The following KATNBL1 variants were observed in gnomAD, a reference collection of about 807,000 sequenced individuals.
KATNBL1 encodes the protein KATNB1-like protein 1.
A neutral mutation model predicts 44.7 loss-of-function variants in KATNBL1; 28 were observed. The observed-to-expected ratio is 0.63, with a 90% confidence interval of 0.46 to 0.86. KATNBL1 has a LOEUF of 0.86. Among genes scored for constraint, KATNBL1 ranks in the 40% least tolerant of loss-of-function variants. KATNBL1 has a pLI of 0.00. For synonymous variants in KATNBL1, 78 were observed against 114.9 expected, an observed-to-expected ratio of 0.68 and a Z score of 2.06; for missense variants, 272 against 350.7, an observed-to-expected ratio of 0.78 and a Z score of 1.79.
intron 4 of KATNBL1, 144 bp from the exon 5 acceptor site, chr15:34,148,894 T>C (rs1401744705): frequency 3.6e-6 from 2 of 560,282 alleles, no homozygotes; most frequent in Non-Finnish European, 6.5e-6. Flanking sequence ...AATACTGCAG[T>C]TGACCACAGT....
Position 34,163,568 on chromosome 15 carries a change from T to C in KATNBL1, c.109A>G (p.Met37Val), listed in dbSNP as rs1409365466. The change falls in exon 2 of 10, where the codon ATG becomes GTG. Residue 37 changes from methionine (M) to valine (V), a missense_variant. Physicochemically the swap from Met to Val is conservative, Grantham distance 21. Around this residue, in one of 3 missense-constraint regions of KATNBL1, gnomAD observed 122 missense variants for 125.0 expected, o/e 0.98. Transcript: ENST00000256544. ...KKISNFTNKN[M>V]KEVKKSPKQL... is the part of the protein sequence containing the mutation. ...AGAAACCATAGACTTACCTCCTTCA[T>C]GTTCTTATTAGTGAAATTAGAGATC... 3 of 1,595,798 alleles carry C rather than the reference T, an allele frequency of 1.9e-6. No individual in the cohort carries two copies. Among genetic ancestry groups the C allele is most frequent in the African/African-American group, 2.7e-5 (2 of 73,606 alleles).
At position 34,142,381 on chromosome 15, in the gene KATNBL1, T is replaced by TAC; in HGVS notation, c.883-11_883-10insGT. The TAC allele has an allele frequency of 1.9e-6, 3 of 1,581,254 alleles. No individual in the cohort carries two copies. Among genetic ancestry groups the TAC allele is most frequent in the Non-Finnish European group, 2.6e-6 (3 of 1,162,710 alleles). On this transcript the variant is annotated splice_polypyrimidine_tract_variant and intron_variant, in intron 9 of 9. Transcript: ENST00000256544. ...AATAAGCATCTACATCCTTAGAAGA[T>TAC]AAAACAAAAACATTTCATTAGACAG...
At chr15:34,208,393 T>C (rs1377193870) in intron 1 of KATNBL1, 1 of 152,262 alleles carries the variant, frequency 6.6e-6, no homozygotes, top group East Asian at 1.9e-4. Context: ...TTAAAAGCTC[T>C]GCTATAGATA....
Position 34,185,487 on chromosome 15 carries a change from T to A in KATNBL1, c.-14-21797A>T, listed in dbSNP as rs1391842458. ...AGCAACTGCATTTCGTATATTTACGTATGCAATGTAAATTGTAAATCAATG... is the reference window on the plus strand; with the variant it reads ...AGCAACTGCATTTCGTATATTTACGAATGCAATGTAAATTGTAAATCAATG... On this transcript the variant is annotated intron_variant, in intron 1 of 9. Transcript: ENST00000256544. Among the ~76,000 whole-genome samples, 3 of 152,198 alleles carry A rather than the reference T, an allele frequency of 2.0e-5. No homozygotes were observed. In the East Asian group the frequency reaches 5.8e-4, roughly 29 times the overall value.
Position 34,189,123 on chromosome 15 carries a change from C to T in KATNBL1, c.-15+20828G>A, listed in dbSNP as rs374181029. On this transcript the variant is annotated intron_variant, in intron 1 of 9. Coordinates refer to ENST00000256544, the MANE Select transcript of KATNBL1 (RefSeq NM_024713.3). ...TCGGCTCACCACAACCTCTGCCTCC[C>T]GGGTTCAAGTGATTTTCCTGCCTCT... 5.3e-5 allele frequency among the ~76,000 whole-genome samples: 8 copies of T among 151,436 alleles called. No individual in the cohort carries two copies. In the East Asian group the frequency reaches 1.2e-3, roughly 22 times the overall value.
chr15:34,181,582 A>ACATATATATACACATATATATGTC lies in KATNBL1; in HGVS notation c.-14-17916_-14-17893dup, dbSNP rs67054758. ...TGTCCATATATATATCCATATATAT[A>ACATATATATACACATATATATGTC]CATATATATACACATATATATGTCC... On this transcript the variant is annotated intron_variant, in intron 1 of 9. Transcript: ENST00000256544. Among the ~76,000 whole-genome samples the ACATATATATACACATATATATGTC allele has an allele frequency of 6.0e-4, 36 of 59,980 alleles. 1 individual carries two copies. The highest frequency in any genetic ancestry group is 1.3e-3 in the African/African-American group (30 of 22,600). The allele number at this position is 59,980 out of a possible 152,430, so 39.3% of individuals were successfully genotyped here.
intron 8 of KATNBL1, 69 bp from the exon 9 acceptor site, chr15:34,145,560 T>A: frequency 8.0e-7 from 1 of 1,249,238 alleles, no homozygotes; most frequent in Non-Finnish European, 1.0e-6. Context: ...ATCATAAATA[T>A]GCATAATAAA....
At chr15:34,203,813 A>T (rs749278921) in intron 1 of KATNBL1, among the ~76,000 whole-genome samples, 25 of 152,058 alleles carry the variant, frequency 1.6e-4, no homozygotes, top group Non-Finnish European at 3.4e-4. Context: ...TCTCACTCAT[A>T]AGTGGGAGTT....
At chr15:34,198,221 G>T (rs1200204912) in intron 1 of KATNBL1, 1 of 152,092 alleles carries the variant, frequency 6.6e-6, no homozygotes, top group Non-Finnish European at 1.5e-5. Flanking sequence ...ATTTTTGGTG[G>T]TATATACAGC....
At chr15:34,154,846 G>C in intron 2 of KATNBL1, 162 bp from the exon 3 acceptor site, 1 of 610,264 alleles carries the variant, frequency 1.6e-6, no homozygotes, top group South Asian at 1.9e-5. Flanking sequence ...GGCATGGGAG[G>C]AGAAGGGGTT....
At chr15:34,175,770 T>C (rs2140954488) in intron 1 of KATNBL1, among the ~76,000 whole-genome samples, 1 of 152,280 alleles carries the variant, frequency 6.6e-6, no homozygotes, top group Admixed American at 6.5e-5. Flanking sequence ...AAATGTATTT[T>C]CCAAATATTA....
chr15:34,143,462 C>T (rs1888211508), intron 9 of KATNBL1, among the ~76,000 whole-genome samples: 1 of 151,676 alleles, frequency 6.6e-6, no homozygotes, highest in Non-Finnish European at 1.5e-5. Flanking sequence ...GAGATTCAGT[C>T]TCAAAACAAA....
intron 1 of KATNBL1, among the ~76,000 whole-genome samples, chr15:34,207,309 AC>A (rs1463629399): frequency 6.6e-6 from 1 of 152,160 alleles, no homozygotes; most frequent in Non-Finnish European, 1.5e-5. Flanking sequence ...CCTGGGTTCA[AC>A]CGATTCTCCT....
chr15:34,196,749 G>T (rs372140834), intron 1 of KATNBL1, among the ~76,000 whole-genome samples: 1 of 152,004 alleles, frequency 6.6e-6, no homozygotes, highest in South Asian at 2.1e-4. Context: ...AAGAAAGAAA[G>T]AAATCTAAAC....
chr15:34,208,541 T>C (rs1339162280), intron 1 of KATNBL1: 2 of 152,216 alleles, frequency 1.3e-5, no homozygotes, highest in Non-Finnish European at 2.9e-5. Context: ...ACATTTAACA[T>C]GTAATTTTTT....
intron 9 of KATNBL1, among the ~76,000 whole-genome samples, chr15:34,144,387 C>T (rs960917967): frequency 2.0e-5 from 3 of 151,308 alleles, no homozygotes; most frequent in Non-Finnish European, 2.9e-5. Flanking sequence ...AATGTTATAA[C>T]TAAGTCCATG....
At chr15:34,154,782 T>G in intron 2 of KATNBL1, 98 bp from the exon 3 acceptor site, 1 of 810,846 alleles carries the variant, frequency 1.2e-6, no homozygotes, top group Non-Finnish European at 2.1e-6. Flanking sequence ...GCAAGGCAAT[T>G]TACTTCTGCA....
chr15:34,197,596 G>T (rs757850907), intron 1 of KATNBL1, among the ~76,000 whole-genome samples: 4 of 152,176 alleles, frequency 2.6e-5, no homozygotes, highest in Non-Finnish European at 5.9e-5. Flanking sequence ...ACAGAGAAAA[G>T]AATGAAAGGA....
intron 1 of KATNBL1, among the ~76,000 whole-genome samples, chr15:34,202,081 C>T (rs1046600962): frequency 4.6e-5 from 7 of 152,258 alleles, no homozygotes; most frequent in Non-Finnish European, 7.4e-5. Flanking sequence ...TGGAACCAAT[C>T]GCCCATAGAT....
Sources: allele counts gnomAD v4.1 joint callset (sites outside exome capture counted in the v4.1 genomes callset), GRCh38; gene constraint gnomAD v4.1.1; regional missense constraint gnomAD v4.1.1; transcripts MANE v1.5; gene names NCBI Gene and HGNC (gene_info 2026-07-23, HGNC 2026-07-21).